PLCL2: variants seen among roughly 807,000 people sequenced by gnomAD.
PLCL2 encodes the protein inactive phospholipase C-like protein 2.
In PLCL2, 4 loss-of-function variants were observed where a neutral mutation model predicts 79.6. The ratio of observed to expected loss-of-function variants is 0.05; its 90% CI spans 0.02 to 0.11. The LOEUF is 0.11. Ranked by LOEUF, PLCL2 falls within the 10% of genes least tolerant of loss-of-function variation. PLCL2 has a pLI of 1.00. For synonymous variants in PLCL2, 484 were observed against 457.7 expected (o/e 1.06, Z -0.73); for missense variants, 895 against 1,291.0 (o/e 0.69, Z 4.70).
intron 1 of PLCL2, among the ~76,000 whole-genome samples, chr3:16,896,548 A>G (rs1391459748): frequency 6.6e-6 from 1 of 152,234 alleles, no homozygotes; most frequent in Non-Finnish European, 1.5e-5. Flanking sequence ...TGTGCTGCTC[A>G]TAATAAAACT....
At chr3:17,046,804 G>A (rs375525022) in intron 4 of PLCL2, among the ~76,000 whole-genome samples, 49 of 152,250 alleles carry the variant, frequency 3.2e-4, no homozygotes, top group East Asian at 2.9e-3. Context: ...TGACTCACAG[G>A]CCAACCACCA....
At chr3:17,016,313 T>C (rs1040434643) in intron 3 of PLCL2, among the ~76,000 whole-genome samples, 1 of 152,228 alleles carries the variant, frequency 6.6e-6, no homozygotes, top group Non-Finnish European at 1.5e-5. Flanking sequence ...AAAAAAGTGA[T>C]ATTTGTGCAT....
At chr3:17,005,182 T>G (rs927522000) in intron 1 of PLCL2, among the ~76,000 whole-genome samples, 1 of 152,158 alleles carries the variant, frequency 6.6e-6, no homozygotes, top group Non-Finnish European at 1.5e-5. Context: ...TTTCAAGTCT[T>G]TCAAATGGAA....
In PLCL2 at chr3:16,887,112, C is replaced by T. The variant is rs1218142542; in HGVS notation, c.327+1746C>T. ...CTGATATATGGAATTGGGAACTTGT[C>T]AATAGATACCATTTCTTAATTGAAG... On this transcript the variant is annotated intron_variant, in intron 1 of 5. Transcript: ENST00000615277. This position sits in a 1 kb window ranked among gnomAD's most constrained non-coding sequence, Gnocchi z 4.1. 1.3e-5 allele frequency among the ~76,000 whole-genome samples: 2 copies of T among 152,124 alleles called. No individual in the cohort carries two copies. The highest frequency in any genetic ancestry group is 4.8e-5 in the African/African-American group (2 of 41,418).
intron 4 of PLCL2, among the ~76,000 whole-genome samples, chr3:17,059,771 A>G (rs2064929659): frequency 6.6e-6 from 1 of 152,168 alleles, no homozygotes; most frequent in Admixed American, 6.5e-5. Context: ...GAGATGGGGA[A>G]AGGAAAGACA....
At chr3:16,931,368 A>C (rs1298180264) in intron 1 of PLCL2, among the ~76,000 whole-genome samples, 1 of 152,082 alleles carries the variant, frequency 6.6e-6, no homozygotes. Flanking sequence ...GGAACAATTA[A>C]ATGCTTATTT....
At chr3:17,035,231 G>A (rs2064633791) in intron 3 of PLCL2, among the ~76,000 whole-genome samples, 1 of 151,914 alleles carries the variant, frequency 6.6e-6, no homozygotes, top group African/African-American at 2.4e-5. Context: ...TAAGCTGGAA[G>A]TTCACATCCT....
intron 1 of PLCL2, among the ~76,000 whole-genome samples, chr3:16,994,830 G>C (rs2064137492): frequency 6.6e-6 from 1 of 152,136 alleles, no homozygotes; most frequent in Non-Finnish European, 1.5e-5. Context: ...GCTCACCACA[G>C]CTCCGTTATT....
chr3:17,073,620 A>C (rs1287256314), intron 5 of PLCL2, among the ~76,000 whole-genome samples: 1 of 152,222 alleles, frequency 6.6e-6, no homozygotes, highest in Non-Finnish European at 1.5e-5. Context: ...TTTTACCCAC[A>C]GTAGAACTTC....
chr3:17,001,273 A>G (rs191497374), intron 1 of PLCL2, among the ~76,000 whole-genome samples: 5 of 151,908 alleles, frequency 3.3e-5, no homozygotes, highest in East Asian at 1.9e-4. Flanking sequence ...GCTGTTATTA[A>G]TGCCTCATTG....
In PLCL2 at chr3:17,073,119, G is replaced by A. The variant is rs887800208; in HGVS notation, c.3204+5054G>A. Reference sequence around the variant, plus strand: ...TTGTGTGTCAACTTTGAGACATAATGTTTGTAAAATAAAATTCACCAATTT... The same window carrying A: ...TTGTGTGTCAACTTTGAGACATAATATTTGTAAAATAAAATTCACCAATTT... On this transcript the variant is annotated intron_variant, in intron 5 of 5. Coordinates refer to ENST00000615277, the MANE Select transcript of PLCL2 (RefSeq NM_001144382.2). Among the ~76,000 whole-genome samples the A allele has an allele frequency of 4.6e-5, 7 of 152,150 alleles. No homozygotes were observed. The East Asian group carries it at 1.3e-3, about 29-fold the overall frequency.
chr3:16,957,487 GA>G (rs1235090623), intron 1 of PLCL2, among the ~76,000 whole-genome samples: 2 of 152,128 alleles, frequency 1.3e-5, no homozygotes, highest in Non-Finnish European at 2.9e-5. Context: ...GTGTGGTGCT[GA>G]AAAAAATGTA....
intron 1 of PLCL2, among the ~76,000 whole-genome samples, chr3:16,938,769 C>T (rs1697604921): frequency 2.0e-5 from 3 of 152,048 alleles, no homozygotes; most frequent in Non-Finnish European, 4.4e-5. Flanking sequence ...TTGTTTATGC[C>T]CCACCCAGGC....
In PLCL2 at chr3:17,009,116, G is replaced by A. The variant is rs1465332894; in HGVS notation, c.328-558G>A. The stretch of plus-strand genomic sequence containing the variant: ...TCTCCTGCCTCAGCCTCCCGAGTAG[G>A]TGGGATTACAGGCACCCGCCACCAT... On this transcript the variant is annotated intron_variant, in intron 1 of 5. Coordinates refer to ENST00000615277, the MANE Select transcript of PLCL2 (RefSeq NM_001144382.2). This position sits in a 1 kb window ranked among gnomAD's most constrained non-coding sequence, Gnocchi z 4.0. Among the ~76,000 whole-genome samples the A allele has an allele frequency of 6.6e-6, 1 of 151,782 alleles. No homozygotes were observed. The highest frequency in any genetic ancestry group is 1.9e-4 in the East Asian group (1 of 5,160).
intron 1 of PLCL2, among the ~76,000 whole-genome samples, chr3:16,933,472 G>A (rs953361453): frequency 6.6e-6 from 1 of 152,142 alleles, no homozygotes; most frequent in Non-Finnish European, 1.5e-5. Flanking sequence ...TACAGGGAAA[G>A]TCCTTTCTCC....
At chr3:16,973,261 G>A (rs776903987) in intron 1 of PLCL2, among the ~76,000 whole-genome samples, 11 of 151,950 alleles carry the variant, frequency 7.2e-5, no homozygotes, top group East Asian at 1.9e-4. Flanking sequence ...GCTCTGCCAC[G>A]AAATTATTGG....
intron 5 of PLCL2, among the ~76,000 whole-genome samples, chr3:17,076,912 T>C (rs968930311): frequency 9.2e-5 from 14 of 152,358 alleles, no homozygotes; most frequent in African/African-American, 3.4e-4. Context: ...TTAATCCTAT[T>C]CAGTTTTTTA....
intron 1 of PLCL2, among the ~76,000 whole-genome samples, chr3:16,890,251 G>A (rs1376722898): frequency 6.6e-6 from 1 of 152,090 alleles, no homozygotes; most frequent in Non-Finnish European, 1.5e-5. Flanking sequence ...CCAAATGGTT[G>A]TATTTGATTT....
At position 16,970,331 on chromosome 3, in the gene PLCL2, A is replaced by G. The variant is rs200174746; in HGVS notation, c.328-39343A>G. 3.1e-4 allele frequency among the ~76,000 whole-genome samples: 46 copies of G among 150,786 alleles called. No homozygotes were observed. In the East Asian group the frequency reaches 7.7e-3, roughly 25 times the overall value. ...GCGGTGTTTGGTTTTTTGTTCTTGT[A>G]ATAGTTTACTGAGAATGATGATTTC... On this transcript the variant is annotated intron_variant, in intron 1 of 5. Transcript: ENST00000615277.
Sources: gnomAD v4.1 joint callset for allele counts (sites outside exome capture counted in the v4.1 genomes callset) on GRCh38, gnomAD v4.1.1 for gene constraint, Gnocchi (gnomAD v3.1) non-coding constraint, MANE v1.5 for transcripts, NCBI Gene and HGNC (gene_info 2026-07-23, HGNC 2026-07-21) for gene names.